SETD2: variants seen among roughly 807,000 people sequenced by gnomAD.
The protein encoded by SETD2 is histone-lysine N-methyltransferase SETD2.
In SETD2, 31 loss-of-function variants were observed where a neutral mutation model predicts 242.1. The observed-to-expected ratio is 0.13, with a 90% confidence interval of 0.10 to 0.17. The LOEUF is 0.17. SETD2 is among the 10% of genes least tolerant of loss of function. The probability of loss-of-function intolerance (pLI) is 1.00; values close to 1 mark genes in which losing one functional copy is unlikely to be tolerated. For missense variants in SETD2, 2,481 were observed against 3,046.3 expected, an observed-to-expected ratio of 0.81 and a Z score of 4.37; for synonymous variants, 1,006 against 1,066.5, an observed-to-expected ratio of 0.94 and a Z score of 1.11.
chr3:47,040,066 T>G (rs2039209492), intron 17 of SETD2, among the ~76,000 whole-genome samples: 1 of 151,686 alleles, frequency 6.6e-6, no homozygotes, highest in African/African-American at 2.4e-5. Flanking sequence ...AACCTCTGCC[T>G]CCAGGGTTCA....
chr3:47,026,487 G>A (rs959815848), intron 18 of SETD2, among the ~76,000 whole-genome samples: 4 of 152,098 alleles, frequency 2.6e-5, no homozygotes, highest in Admixed American at 2.0e-4. Flanking sequence ...TCATTCTACT[G>A]TAAAGACACA....
At chr3:47,070,506 A>C (rs2040774611) in intron 12 of SETD2, among the ~76,000 whole-genome samples, 1 of 152,212 alleles carries the variant, frequency 6.6e-6, no homozygotes. Context: ...CCAAAGTCCC[A>C]CAACATTGAA....
At chr3:47,099,113 T>A (rs1001461658) in intron 8 of SETD2, among the ~76,000 whole-genome samples, 2 of 152,184 alleles carry the variant, frequency 1.3e-5, no homozygotes, top group African/African-American at 4.8e-5. Flanking sequence ...TTCACTATGT[T>A]TAAGACATGA....
At position 47,088,727 on chromosome 3, in the gene SETD2, A is replaced by G. The variant is rs143096270; in HGVS notation, c.5143-480T>C. On this transcript the variant is annotated intron_variant, in intron 9 of 20. Transcript: ENST00000409792. Reference sequence around the variant, plus strand: ...ATAATGACCTTTTTATGATGTCAGCATATGAATGACCCAGCTGATAGGGGC... The same window carrying G: ...ATAATGACCTTTTTATGATGTCAGCGTATGAATGACCCAGCTGATAGGGGC... Among the ~76,000 whole-genome samples the G allele has an allele frequency of 7.9e-4, 121 of 152,352 alleles. 3 individuals are homozygous for G. In the East Asian group the frequency reaches 0.02, roughly 25 times the overall value.
At position 47,017,761 on chromosome 3, in the gene SETD2, C is replaced by G. The variant is rs1165122157; in HGVS notation, c.7432-22G>C. ...ACATCTGCAGGCAGAGAAAAGAGAA[C>G]ACGTTGCTCAACAGTCCAGAGAGGG... On this transcript the variant is annotated intron_variant, in intron 19 of 20. Transcript: ENST00000409792. The surrounding 1 kb of genome is among the most constrained non-coding windows in gnomAD (Gnocchi z 4.8). 2.6e-6 allele frequency: 4 copies of G among 1,557,838 alleles called. No homozygotes were observed. The highest frequency in any genetic ancestry group is 3.5e-6 in the Non-Finnish European group (4 of 1,128,658).
intron 1 of SETD2, 152 bp downstream of exon 1, chr3:47,163,702 G>A (rs1426045317): frequency 3.3e-6 from 2 of 598,884 alleles, no homozygotes; most frequent in Non-Finnish European, 4.7e-6. Context: ...TCGAAGTGGC[G>A]GCGCGGGCCT....
intron 5 of SETD2, among the ~76,000 whole-genome samples, chr3:47,107,071 T>C (rs1303729292): frequency 6.6e-6 from 1 of 152,174 alleles, no homozygotes; most frequent in African/African-American, 2.4e-5. Flanking sequence ...ACTGAAGATA[T>C]TAAATTATCA....
chr3:47,100,285 T>G (rs1559719140), intron 8 of SETD2, among the ~76,000 whole-genome samples: 1 of 150,298 alleles, frequency 6.7e-6, no homozygotes, highest in Admixed American at 6.6e-5. Flanking sequence ...TTTTTTTAGA[T>G]GGAGTCCCTC....
In SETD2 at chr3:47,057,092, G is replaced by A. The variant is rs1575700988; in HGVS notation, c.6692C>T (p.Ala2231Val). The A allele has an allele frequency of 6.2e-7, 1 of 1,614,222 alleles. No individual in the cohort carries two copies. Among genetic ancestry groups the A allele is most frequent in the Non-Finnish European group, 8.5e-7 (1 of 1,180,026 alleles). Residue 2231 changes from alanine (A) to valine (V), a missense_variant, in exon 15 of 21, where the codon GCT (alanine) becomes GTT (valine). By Grantham distance (64) the Ala-to-Val change is moderately conservative. Around this residue, in one of 17 missense-constraint regions of SETD2, gnomAD observed 235 missense variants for 293.9 expected, o/e 0.80. Coordinates refer to ENST00000409792, the MANE Select transcript of SETD2 (RefSeq NM_014159.7). Reference protein sequence around the residue: ...PPVPVVPHVAAPVEVSSSQYV... With the variant: ...PPVPVVPHVAVPVEVSSSQYV... The stretch of plus-strand genomic sequence containing the variant: ...CTGGGAACTGGAAACTTCCACAGGA[G>A]CTGCCACATGTGGCACCACTGGTAC...
At position 47,018,576 on chromosome 3, in the gene SETD2, G is replaced by A. The variant is rs550168856; in HGVS notation, c.7432-837C>T. Among the ~76,000 whole-genome samples, 16 of 152,264 alleles carry A rather than the reference G, an allele frequency of 1.1e-4. No individual in the cohort carries two copies. In the East Asian group the frequency reaches 2.7e-3, roughly 26 times the overall value. On this transcript the variant is annotated intron_variant, in intron 19 of 20. Coordinates refer to ENST00000409792, the MANE Select transcript of SETD2 (RefSeq NM_014159.7). ...GCTGAAATACCAGTATGTTCACAAAGGGACCATAAGAAACTAAATTTTATC... is the reference window on the plus strand; with the variant it reads ...GCTGAAATACCAGTATGTTCACAAAAGGACCATAAGAAACTAAATTTTATC...
intron 5 of SETD2, among the ~76,000 whole-genome samples, chr3:47,107,835 G>A (rs562361958): frequency 3.3e-5 from 5 of 151,998 alleles, no homozygotes; most frequent in South Asian, 2.1e-4. Flanking sequence ...AAAATTAGCC[G>A]GCCATGGTAT....
intron 1 of SETD2, among the ~76,000 whole-genome samples, chr3:47,153,983 C>T (rs2044063535): frequency 6.6e-6 from 1 of 152,156 alleles, no homozygotes; most frequent in Admixed American, 6.5e-5. Context: ...TGGAAAGAGA[C>T]ACCTTCCACG....
At chr3:47,155,270 T>G (rs2044101176) in intron 1 of SETD2, among the ~76,000 whole-genome samples, 2 of 152,192 alleles carry the variant, frequency 1.3e-5, no homozygotes, top group Admixed American at 1.3e-4. Flanking sequence ...TTACTGTATA[T>G]TGATTATCTA....
chr3:47,136,417 C>T (rs1164834244), intron 1 of SETD2, among the ~76,000 whole-genome samples: 1 of 152,068 alleles, frequency 6.6e-6, no homozygotes. Context: ...CTTCACCAGA[C>T]TGCTGCTTCT....
At chr3:47,050,755 G>A (rs1473884112) in intron 15 of SETD2, among the ~76,000 whole-genome samples, 1 of 31,574 alleles carries the variant, frequency 3.2e-5, no homozygotes. Context: ...TTTTGAGACA[G>A]AGTCTCACTC....
At chr3:47,142,860 G>T (rs534035950) in intron 1 of SETD2, among the ~76,000 whole-genome samples, 1 of 152,182 alleles carries the variant, frequency 6.6e-6, no homozygotes, top group Non-Finnish European at 1.5e-5. Flanking sequence ...GCAGAGATGG[G>T]GTTTCACCAT....
intron 1 of SETD2, among the ~76,000 whole-genome samples, chr3:47,151,328 T>A (rs12490244): frequency 0.039 from 5,893 of 152,116 alleles, 265 homozygotes; most frequent in East Asian, 0.13. Flanking sequence ...ATTATAAAAA[T>A]ACATATATAA....
At chr3:47,139,030 G>A (rs984108925) in intron 1 of SETD2, among the ~76,000 whole-genome samples, 1 of 152,046 alleles carries the variant, frequency 6.6e-6, no homozygotes, top group African/African-American at 2.4e-5. Context: ...GCTATGGCAC[G>A]ATCATAGCTC....
Position 47,122,164 on chromosome 3 carries a change from A to T in SETD2, c.2472T>A (p.Phe824Leu), listed in dbSNP as rs2043122024. ...PSVMKISSNS[F>L]MNVHLESKPV... Reference sequence around the variant, plus strand: ...GTTTTGATTCCAAATGCACATTCATAAAGCTATTTGAAGAAATCTTCATAA... The same window carrying T: ...GTTTTGATTCCAAATGCACATTCATTAAGCTATTTGAAGAAATCTTCATAA... Residue 824 changes from phenylalanine (F) to leucine (L), a missense_variant, in exon 3 of 21, where the codon TTT becomes TTA. This residue lies in a region of SETD2 where 1,300 missense variants were observed against 1,259.2 expected (regional missense o/e 1.03). Coordinates refer to ENST00000409792, the MANE Select transcript of SETD2 (RefSeq NM_014159.7). 2 of 1,613,990 alleles carry T rather than the reference A, an allele frequency of 1.2e-6. No individual in the cohort carries two copies. Among genetic ancestry groups the T allele is most frequent in the East Asian group, 4.5e-5 (2 of 44,874 alleles).
Sources: gnomAD v4.1 joint callset for allele counts (sites outside exome capture counted in the v4.1 genomes callset) on GRCh38, gnomAD v4.1.1 for gene constraint, gnomAD v4.1.1 regional missense constraint, Gnocchi (gnomAD v3.1) non-coding constraint, MANE v1.5 for transcripts, NCBI Gene and HGNC (gene_info 2026-07-23, HGNC 2026-07-21) for gene names.